Variants in FANCI observed in about 807,000 individuals in gnomAD.
FANCI encodes Fanconi anemia group I protein.
In FANCI, 156 loss-of-function variants were observed where a neutral mutation model predicts 176.1. The observed-to-expected ratio is 0.89, with a 90% CI of 0.78 to 1.01. FANCI has a LOEUF of 1.01. FANCI is among the 50% of genes least tolerant of loss of function. The pLI, the probability that FANCI is intolerant of heterozygous loss-of-function variation, is 0.00. For missense variants in FANCI, 1,678 were observed against 1,534.1 expected (o/e 1.09, Z -1.57); for synonymous variants, 613 against 541.7 (o/e 1.13, Z -1.83).
At chr15:89,312,859 CAG>C in intron 34 of FANCI, 43 bp from the exon 35 acceptor site, 3 of 1,492,686 alleles carry the variant, frequency 2.0e-6, no homozygotes, top group Non-Finnish European at 2.8e-6. Flanking sequence ...GCTAGCTCCA[CAG>C]AAAAATCATC....
Position 89,293,760 on chromosome 15 carries a change from T to G in FANCI, c.2292-73T>G, listed in dbSNP as rs1310022039. On this transcript the variant is annotated intron_variant, in intron 22 of 37. Transcript: ENST00000310775. ...ATGACATTTAAAGAAGCATTGTGAT[T>G]ATTATCATATGTAAAAGTAAACCAC... is the stretch of plus-strand genomic sequence containing the variant. The G allele has an allele frequency of 5.1e-6, 7 of 1,361,448 alleles. No homozygotes were observed. The Admixed American group carries it at 1.0e-4, about 20-fold the overall frequency. The allele number at this position is 1,361,448 out of a possible 1,614,324, so 84.3% of individuals were successfully genotyped here.
intron 19 of FANCI, chr15:89,290,503 ACAGT>A: frequency 3.6e-6 from 2 of 552,052 alleles, no homozygotes; most frequent in East Asian, 6.3e-5. Context: ...TTGTGAATTA[ACAGT>A]CTGTATCCTA....
chr15:89,272,008 T>C (rs905867006), intron 10 of FANCI, among the ~76,000 whole-genome samples: 7 of 152,248 alleles, frequency 4.6e-5, no homozygotes, highest in African/African-American at 1.7e-4. Flanking sequence ...AATTTATGTT[T>C]ATATTTTTAA....
At position 89,311,149 on chromosome 15, in the gene FANCI, C is replaced by T. The variant is rs193004523; in HGVS notation, c.3652-1755C>T. On this transcript the variant is annotated intron_variant, in intron 34 of 37. Coordinates refer to ENST00000310775, the MANE Select transcript of FANCI (RefSeq NM_001113378.2). ...TGGCAGGCGCCTGTAATCCCAGCTA[C>T]TCGGGAGGCTGAGGCAGGAGAATTG... Among the ~76,000 whole-genome samples the T allele has an allele frequency of 1.7e-3, 255 of 152,174 alleles. 1 individual carries two copies. The highest frequency in any genetic ancestry group is 3.2e-3 in the Admixed American group (49 of 15,298).
chr15:89,280,136 C>T (rs2053561627), intron 14 of FANCI, among the ~76,000 whole-genome samples: 1 of 152,182 alleles, frequency 6.6e-6, no homozygotes, highest in Non-Finnish European at 1.5e-5. Flanking sequence ...ATTCTCCTGC[C>T]TCAGCCTTGA....
chr15:89,261,523 TAGAA>T (rs2052711713), intron 4 of FANCI, 58 bp from the exon 5 acceptor site: 1 of 1,598,772 alleles, frequency 6.3e-7, no homozygotes, highest in Non-Finnish European at 8.6e-7. Flanking sequence ...CTTTATTTCT[TAGAA>T]AGATTTATCA....
intron 1 of FANCI, 112 bp downstream of exon 1, chr15:89,244,145 T>G (rs932683997): frequency 6.5e-6 from 1 of 152,790 alleles, no homozygotes; most frequent in Non-Finnish European, 1.5e-5. Context: ...TGACTTGGCG[T>G]TCTGGTATTT....
At chr15:89,269,812 G>T (rs2053129619) in intron 10 of FANCI, among the ~76,000 whole-genome samples, 1 of 151,270 alleles carries the variant, frequency 6.6e-6, no homozygotes, top group South Asian at 2.1e-4. Context: ...TTCTTCCTTT[G>T]ATTTGTTTTT....
intron 30 of FANCI, 96 bp from the exon 31 acceptor site, chr15:89,305,509 C>A: frequency 6.3e-7 from 1 of 1,599,494 alleles, no homozygotes; most frequent in Non-Finnish European, 8.6e-7. Context: ...TGTCCTGAGG[C>A]CTGTAACCCA....
At chr15:89,263,579 ATGTTT>A (rs2151293424) in intron 7 of FANCI, 119 bp downstream of exon 7, 1 of 960,280 alleles carries the variant, frequency 1.0e-6, no homozygotes, top group Non-Finnish European at 1.7e-6. Flanking sequence ...ATTAGTAGTT[ATGTTT>A]TCTGTTACAG....
intron 2 of FANCI, among the ~76,000 whole-genome samples, chr15:89,258,361 T>G (rs1432546995): frequency 6.6e-6 from 1 of 152,228 alleles, no homozygotes. Context: ...TGCTCTGTTA[T>G]GAACTCTGAG....
At chr15:89,250,515 A>T (rs2052195116) in intron 2 of FANCI, among the ~76,000 whole-genome samples, 1 of 139,604 alleles carries the variant, frequency 7.2e-6, no homozygotes, top group Non-Finnish European at 1.5e-5. Flanking sequence ...TGGACACGGG[A>T]ATGGGAACAT....
chr15:89,285,259 T>C, intron 18 of FANCI, 41 bp downstream of exon 18: 1 of 1,610,030 alleles, frequency 6.2e-7, no homozygotes, highest in Non-Finnish European at 8.5e-7. Flanking sequence ...AAACCCCAAC[T>C]AATAATTTTT....
At position 89,281,311 on chromosome 15, in the gene FANCI, A is replaced by G. The variant is rs2053605267; in HGVS notation, c.1512+11A>G. 6.2e-7 allele frequency: 1 copy of G among 1,613,494 alleles called. No homozygotes were observed. Among genetic ancestry groups the G allele is most frequent in the Non-Finnish European group, 8.5e-7 (1 of 1,179,622 alleles). On this transcript the variant is annotated intron_variant, in intron 15 of 37. Coordinates refer to ENST00000310775, the MANE Select transcript of FANCI (RefSeq NM_001113378.2). ...CTTAAGGCAGTGCAGGTAAGTCTTCAGATTCCCAAGTAACTTGCCAAAACT... is the reference window on the plus strand; with the variant it reads ...CTTAAGGCAGTGCAGGTAAGTCTTCGGATTCCCAAGTAACTTGCCAAAACT...
intron 19 of FANCI, 73 bp from the exon 20 acceptor site, chr15:89,291,540 C>A (rs1343969391): frequency 1.7e-6 from 2 of 1,189,720 alleles, no homozygotes; most frequent in East Asian, 2.3e-5. Context: ...TTAAAGATAC[C>A]TTTCACCTGA....
chr15:89,313,847 A>T (rs1349595295), intron 35 of FANCI, among the ~76,000 whole-genome samples: 2 of 152,234 alleles, frequency 1.3e-5, no homozygotes, highest in East Asian at 3.9e-4. Flanking sequence ...CTCTGGAATT[A>T]TCTCCAAGAT....
At chr15:89,283,288 T>C in intron 17 of FANCI, 38 bp downstream of exon 17, 1 of 1,613,202 alleles carries the variant, frequency 6.2e-7, no homozygotes, top group South Asian at 1.1e-5. Flanking sequence ...TGTGTGCGTA[T>C]CATTCATGTG....
intron 19 of FANCI, 176 bp downstream of exon 19, chr15:89,290,457 C>T: frequency 4.8e-6 from 3 of 619,928 alleles, no homozygotes; most frequent in South Asian, 3.6e-5. Context: ...TCACCACTTA[C>T]CTGTCTGCCA....
chr15:89,283,321 T>G, intron 17 of FANCI, 71 bp downstream of exon 17: 2 of 1,604,492 alleles, frequency 1.2e-6, no homozygotes, highest in Non-Finnish European at 1.7e-6. Flanking sequence ...GCACGCTGTT[T>G]TCTTTTATTC....
Sources: allele counts gnomAD v4.1 joint callset (sites outside exome capture counted in the v4.1 genomes callset), GRCh38; gene constraint gnomAD v4.1.1; transcripts MANE v1.5; gene names NCBI Gene and HGNC (gene_info 2026-07-23, HGNC 2026-07-21).